The following OR6P1 variants were observed in gnomAD, a reference collection of about 807,000 sequenced individuals.
The protein encoded by OR6P1 is olfactory receptor family 6 subfamily P member 1.
In OR6P1, 5 loss-of-function variants were observed where a neutral mutation model predicts 6.6. The observed-to-expected ratio is 0.76, with a 90% CI of 0.40 to 1.60. The LOEUF is 1.60. Among genes scored for constraint, OR6P1 ranks in the 40% most tolerant of loss-of-function variants. The pLI is 0.02. For missense variants in OR6P1, 451 were observed against 383.0 expected, an observed-to-expected ratio of 1.18 and a Z score of -1.48; for synonymous variants, 177 against 149.6, an observed-to-expected ratio of 1.18 and a Z score of -1.33.
intron 2 of OR6P1, 27 bp downstream of exon 2, chr1:158,566,737 C>T (rs1437729981): frequency 6.6e-6 from 1 of 152,052 alleles, no homozygotes; most frequent in Non-Finnish European, 1.5e-5. Context: ...TATTGCACTG[C>T]ATAAAATTGG....
At chr1:158,566,064 G>T (rs1648090127) in intron 2 of OR6P1, among the ~76,000 whole-genome samples, 1 of 152,058 alleles carries the variant, frequency 6.6e-6, no homozygotes. Flanking sequence ...CACTGACATT[G>T]GCAATGGCAT....
rs942482449 is a variant in OR6P1 at position 158,562,933 on chromosome 1, G to A, written c.672C>T (p.Ala224=). 1 of 1,551,712 alleles carries A rather than the reference G, an allele frequency of 6.4e-7. No homozygotes were observed. The highest frequency in any genetic ancestry group is 1.4e-5 in the African/African-American group (1 of 73,056). Residue 224 remains alanine (A), a synonymous_variant, in exon 3 of 3, where the codon GCC becomes GCT. Transcript: ENST00000641540. ...CCCTGGACGTAGGGATCCTCAGGAT[G>A]GCTGCAATGATGGCAGTGTATGATG... is the stretch of plus-strand genomic sequence containing the variant. ...VVSSYTAIIA[A]ILRIPTSRGR...
chr1:158,565,685 G>A (rs1165416080), intron 2 of OR6P1, among the ~76,000 whole-genome samples: 1 of 151,952 alleles, frequency 6.6e-6, no homozygotes, highest in East Asian at 1.9e-4. Context: ...TTATGCTTTT[G>A]TCCAATGTTT....
In OR6P1 at chr1:158,563,213, A is replaced by T; in HGVS notation, c.392T>A (p.Leu131His). ...DRYLAICGPL[L>H]YPSLMPSSLA... ...ACTGGAAGGCATGAGACTAGGGTAA[A>T]GGAGGGGTCCACAGATGGCCAGGTA... Residue 131 changes from leucine to histidine, a missense_variant, in exon 3 of 3, where the codon CTT becomes CAT. Transcript: ENST00000641540. 6.4e-7 allele frequency: 1 copy of T among 1,551,608 alleles called. No homozygotes were observed. Among genetic ancestry groups the T allele is most frequent in the East Asian group, 2.4e-5 (1 of 40,918 alleles).
chr1:158,563,970 T>C (rs1648034974), intron 2 of OR6P1, among the ~76,000 whole-genome samples: 1 of 152,144 alleles, frequency 6.6e-6, no homozygotes, highest in African/African-American at 2.4e-5. Context: ...GCACCTTTAC[T>C]CAGTATCTGT....
At chr1:158,564,986 C>G (rs140733713) in intron 2 of OR6P1, among the ~76,000 whole-genome samples, 2 of 152,266 alleles carry the variant, frequency 1.3e-5, no homozygotes, top group East Asian at 3.9e-4. Flanking sequence ...AAGTACCTGT[C>G]TTTAAACATT....
intron 2 of OR6P1, among the ~76,000 whole-genome samples, chr1:158,564,821 A>C (rs1318002941): frequency 1.3e-5 from 2 of 152,224 alleles, no homozygotes; most frequent in African/African-American, 4.8e-5. Context: ...AAAATGAAAG[A>C]GGAAGTCATT....
chr1:158,567,824 A>T (rs111721084), intron 1 of OR6P1, among the ~76,000 whole-genome samples: 1 of 117,410 alleles, frequency 8.5e-6, no homozygotes, highest in Non-Finnish European at 1.8e-5. Context: ...AATAAAACTA[A>T]AACCACACAC....
At chr1:158,567,793 T>TAAATAAATAAATA (rs375171603) in intron 1 of OR6P1, among the ~76,000 whole-genome samples, 12 of 147,224 alleles carry the variant, frequency 8.2e-5, no homozygotes, top group African/African-American at 2.8e-4. Context: ...TAAAGTATAA[T>TAAATAAATAAATA]AATAAATAAA....
chr1:158,562,867 T>G lies in OR6P1; in HGVS notation c.738A>C (p.Ala246=). Residue 246 remains alanine (A), a synonymous_variant, in exon 3 of 3, where the codon GCA becomes GCC. Coordinates refer to ENST00000641540, the MANE Select transcript of OR6P1 (RefSeq NM_001160325.2). ...KAFSTCAAHL[A]VVVIYYSSTL... ...TGGAGGAGTAGTAGATAACAACCAC[T>G]GCCAGATGAGCGGCACAAGTGGAAA... 1 of 1,552,036 alleles carries G rather than the reference T, an allele frequency of 6.4e-7. No homozygotes were observed.
Position 158,566,848 on chromosome 1 carries a change from C to T in OR6P1, c.-107G>A, listed in dbSNP as rs528458053. The T allele has an allele frequency of 1.3e-5, 2 of 152,114 alleles. No individual in the cohort carries two copies. Among genetic ancestry groups the T allele is most frequent in the South Asian group, 2.1e-4 (1 of 4,808 alleles). 9.4% of individuals were successfully genotyped at this position (152,114 alleles called of 1,614,324 possible). On this transcript the variant is annotated 5_prime_UTR_variant, in exon 2 of 3. Coordinates refer to ENST00000641540, the MANE Select transcript of OR6P1 (RefSeq NM_001160325.2). ...CAGCAAAAGAAACCACCATCAGCGT[C>T]AACAGGCAACCTACAGAATGGGAGA...
Position 158,563,181 on chromosome 1 carries a change from T to G in OR6P1, c.424A>C (p.Thr142Pro). ...CCCCAAGAGGCAGCAGCAAGGCGAG[T>G]GGCCAGACTGGAAGGCATGAGACTA... ...YPSLMPSSLA[T>P]RLAAASWGSG... Residue 142 changes from threonine (T) to proline (P), a missense_variant, in exon 3 of 3, where the codon ACT becomes CCT. Transcript: ENST00000641540. The G allele has an allele frequency of 6.4e-7, 1 of 1,551,016 alleles. No homozygotes were observed.
In OR6P1 at chr1:158,563,195, G is replaced by A. The variant is rs1648003696; in HGVS notation, c.410C>T (p.Pro137Leu). The A allele has an allele frequency of 6.4e-7, 1 of 1,551,340 alleles. No individual in the cohort carries two copies. Among genetic ancestry groups the A allele is most frequent in the South Asian group, 1.2e-5 (1 of 84,008 alleles). ...CGPLLYPSLM[P>L]SSLATRLAAA... ...AGCAAGGCGAGTGGCCAGACTGGAA[G>A]GCATGAGACTAGGGTAAAGGAGGGG... The change falls in exon 3 of 3, where the codon CCT becomes CTT. Residue 137 changes from proline to leucine, a missense_variant. By Grantham distance (98) the Pro-to-Leu change is moderately conservative. Transcript: ENST00000641540.
intron 1 of OR6P1, among the ~76,000 whole-genome samples, chr1:158,568,185 T>C (rs893556145): frequency 6.6e-5 from 10 of 152,184 alleles, no homozygotes; most frequent in African/African-American, 1.9e-4. Context: ...CCCTCCCTGT[T>C]TGAAGAGGCC....
At chr1:158,567,793 T>TAATAAATAAATAAATAAATAAATAAATA in intron 1 of OR6P1, among the ~76,000 whole-genome samples, 1 of 147,310 alleles carries the variant, frequency 6.8e-6, no homozygotes, top group African/African-American at 2.5e-5. Flanking sequence ...TAAAGTATAA[T>TAATAAATAAATAAATAAATAAATAAATA]AATAAATAAA....
At chr1:158,567,282 T>G (rs1648121557) in intron 1 of OR6P1, among the ~76,000 whole-genome samples, 1 of 152,134 alleles carries the variant, frequency 6.6e-6, no homozygotes, top group South Asian at 2.1e-4. Context: ...GACCCAGCCA[T>G]CCCATTACTG....
rs1395945304 is a variant in OR6P1 at position 158,561,625 on chromosome 1, G to C, written c.*1026C>G. 1 of 152,130 alleles carries C rather than the reference G, an allele frequency of 6.6e-6. No individual in the cohort carries two copies. The highest frequency in any genetic ancestry group is 1.5e-5 in the Non-Finnish European group (1 of 68,006). 9.4% of individuals were successfully genotyped at this position (152,130 alleles called of 1,614,324 possible). On this transcript the variant is annotated 3_prime_UTR_variant, in exon 3 of 3. Coordinates refer to ENST00000641540, the MANE Select transcript of OR6P1 (RefSeq NM_001160325.2). ...GCAGAAATTTGTGTAAATGAGCCTA[G>C]ATTCAAGATAAGAAAAATTTCTCTG...
Position 158,562,401 on chromosome 1 carries a change from AT to A in OR6P1, c.*249del, listed in dbSNP as rs962570448. On this transcript the variant is annotated 3_prime_UTR_variant, in exon 3 of 3. Transcript: ENST00000641540. ...ACATACTCAGTAAGACTCTCCACAT[AT>A]TTTTTTGGGGGAATCTGTATTTTAA... The A allele has an allele frequency of 5.3e-5, 25 of 468,608 alleles. No homozygotes were observed. Among genetic ancestry groups the A allele is most frequent in the Middle Eastern group, 6.0e-4 (1 of 1,680 alleles). The allele number at this position is 468,608 out of a possible 1,614,324, so 29.0% of individuals were successfully genotyped here. A position where few individuals can be genotyped will look rare whatever the true frequency, so the allele number is the denominator to read the frequency against.
In OR6P1 at chr1:158,562,667, C is replaced by T. The variant is rs139022609; in HGVS notation, c.938G>A (p.Arg313Lys). 986 of 1,551,834 alleles carry T rather than the reference C, an allele frequency of 6.4e-4. 6 individuals are homozygous for T. The African/African-American group carries it at 0.011, about 17-fold the overall frequency. ...KTVMGRCHYP[R>K]DVQD ...TGTTGTATATCAGTCCTGAACATCC[C>T]TAGGATAGTGACATCTGCCCATCAC... The change falls in exon 3 of 3, where the codon AGG becomes AAG. Residue 313 changes from arginine to lysine, a missense_variant. Transcript: ENST00000641540.
Sources: allele counts gnomAD v4.1 joint callset (sites outside exome capture counted in the v4.1 genomes callset), GRCh38; gene constraint gnomAD v4.1.1; transcripts MANE v1.5; gene names NCBI Gene and HGNC (gene_info 2026-07-23, HGNC 2026-07-21).